The following JAK1 variants were observed in gnomAD, a reference collection of about 807,000 sequenced individuals.
JAK1 encodes the protein tyrosine-protein kinase JAK1.
A neutral mutation model predicts 136.6 loss-of-function variants in JAK1; 16 were observed. The ratio of observed to expected loss-of-function variants is 0.12; its 90% CI spans 0.08 to 0.18. JAK1 has a LOEUF of 0.18. JAK1 is among the 10% of genes least tolerant of loss of function. The pLI, the probability that JAK1 is intolerant of heterozygous loss-of-function variation, is 1.00. For missense variants in JAK1, 859 were observed against 1,450.1 expected (o/e 0.59, Z 6.62); for synonymous variants, 492 against 519.5 (o/e 0.95, Z 0.72).
chr1:64,879,812 T>G (rs1223839228), intron 3 of JAK1, among the ~76,000 whole-genome samples: 1 of 152,138 alleles, frequency 6.6e-6, no homozygotes, highest in Non-Finnish European at 1.5e-5. Flanking sequence ...GGCCCAACAG[T>G]GCTCCCCTGC....
intron 1 of JAK1, among the ~76,000 whole-genome samples, chr1:65,062,743 C>G (rs1647846388): frequency 6.6e-6 from 1 of 152,236 alleles, no homozygotes; most frequent in Non-Finnish European, 1.5e-5. Flanking sequence ...CAACAGGACT[C>G]TTTCTAAAAA....
chr1:64,850,710 C>A, intron 12 of JAK1, 94 bp downstream of exon 12: 1 of 822,976 alleles, frequency 1.2e-6, no homozygotes, highest in Non-Finnish European at 2.1e-6. Flanking sequence ...CTAAGATTTC[C>A]CCAAACACAG....
intron 1 of JAK1, among the ~76,000 whole-genome samples, chr1:64,902,853 A>G (rs556938595): frequency 6.6e-6 from 1 of 152,242 alleles, no homozygotes; most frequent in African/African-American, 2.4e-5. Context: ...AATAGTGACT[A>G]CAATTGCCAG....
At chr1:64,903,959 T>C (rs1645152019) in intron 1 of JAK1, among the ~76,000 whole-genome samples, 1 of 152,214 alleles carries the variant, frequency 6.6e-6, no homozygotes, top group Non-Finnish European at 1.5e-5. Flanking sequence ...TACAAGTTCC[T>C]TGAGAGCAAA....
intron 2 of JAK1, among the ~76,000 whole-genome samples, chr1:64,885,548 T>C (rs1644838572): frequency 6.6e-6 from 1 of 151,886 alleles, no homozygotes; most frequent in Non-Finnish European, 1.5e-5. Context: ...GGTCACGAGA[T>C]TGAGACCAGC....
intron 12 of JAK1, among the ~76,000 whole-genome samples, chr1:64,849,616 G>A (rs1249452704): frequency 1.3e-5 from 2 of 152,240 alleles, no homozygotes; most frequent in South Asian, 2.1e-4. Context: ...TCTTGCTAAC[G>A]TGATTACCCC....
At chr1:64,948,970 A>G (rs1266326697) in intron 1 of JAK1, among the ~76,000 whole-genome samples, 1 of 152,218 alleles carries the variant, frequency 6.6e-6, no homozygotes, top group Non-Finnish European at 1.5e-5. Context: ...CCTAGAAGTA[A>G]GAGAGATCAC....
chr1:64,860,962 GTGT>G (rs1656290202), intron 8 of JAK1, among the ~76,000 whole-genome samples: 1 of 142,748 alleles, frequency 7.0e-6, no homozygotes, highest in Non-Finnish European at 1.5e-5. Context: ...GTGTGTGTGT[GTGT>G]GTATGTGTGT....
upstream of JAK1, among the ~76,000 whole-genome samples, chr1:64,971,211 A>G (rs1646448894): frequency 6.6e-6 from 1 of 152,186 alleles, no homozygotes; most frequent in South Asian, 2.1e-4. Context: ...TTTTCTTCCC[A>G]TTATCTTTTT....
intron 1 of JAK1, among the ~76,000 whole-genome samples, chr1:64,899,577 C>A (rs1396545053): frequency 6.6e-6 from 1 of 152,102 alleles, no homozygotes; most frequent in East Asian, 1.9e-4. Context: ...CTGAAATGCT[C>A]CAAAATATGA....
intron 1 of JAK1, among the ~76,000 whole-genome samples, chr1:64,924,277 T>C (rs576188931): frequency 1.2e-4 from 18 of 152,204 alleles, no homozygotes; most frequent in African/African-American, 4.3e-4. Context: ...ATCAAAACAA[T>C]GCAAAAAGTC....
chr1:64,843,428 C>T (rs184784506), intron 17 of JAK1, among the ~76,000 whole-genome samples: 97 of 152,290 alleles, frequency 6.4e-4, no homozygotes, highest in Non-Finnish European at 1.2e-3. Flanking sequence ...AGGAGGTCCA[C>T]ACCTCGCCTG....
At chr1:64,964,392 A>G (rs1314823740) in intron 1 of JAK1, among the ~76,000 whole-genome samples, 1 of 152,246 alleles carries the variant, frequency 6.6e-6, no homozygotes, top group Non-Finnish European at 1.5e-5. Flanking sequence ...TTCTCTCTAC[A>G]CAAATGAGTA....
At position 64,846,493 on chromosome 1, in the gene JAK1, T is replaced by G. The variant is rs553373627; in HGVS notation, c.1987+156A>C. On this transcript the variant is annotated intron_variant, in intron 14 of 24. Transcript: ENST00000342505. Reference sequence around the variant, plus strand: ...TTTAGTTCCACCTCCACTATTAACTTAAGCAAATGACCTGCTCAGTCCCTC... The same window carrying G: ...TTTAGTTCCACCTCCACTATTAACTGAAGCAAATGACCTGCTCAGTCCCTC... 2.0e-5 allele frequency among the ~76,000 whole-genome samples: 3 copies of G among 152,156 alleles called. No individual in the cohort carries two copies. In the Middle Eastern group the frequency reaches 0.01, roughly 518 times the overall value.
At chr1:64,862,935 G>A (rs949050064) in intron 8 of JAK1, among the ~76,000 whole-genome samples, 8 of 152,146 alleles carry the variant, frequency 5.3e-5, no homozygotes, top group Admixed American at 3.3e-4. Flanking sequence ...GTCCCCTAAG[G>A]TTCTTACAAG....
chr1:64,923,323 T>G (rs189304854), intron 1 of JAK1, among the ~76,000 whole-genome samples: 1 of 152,324 alleles, frequency 6.6e-6, no homozygotes, highest in African/African-American at 2.4e-5. Flanking sequence ...ACTTCCAGTC[T>G]CACTACCCCT....
chr1:64,895,426 C>T (rs1645000257), intron 1 of JAK1, among the ~76,000 whole-genome samples: 1 of 152,152 alleles, frequency 6.6e-6, no homozygotes, highest in African/African-American at 2.4e-5. Context: ...AAGGACCCAA[C>T]AAGGTTACTA....
chr1:64,851,440 G>A (rs1655585291), intron 11 of JAK1, among the ~76,000 whole-genome samples: 1 of 152,230 alleles, frequency 6.6e-6, no homozygotes, highest in African/African-American at 2.4e-5. Context: ...GGGAACCAGA[G>A]GAGGAGGTGA....
Position 64,992,458 on chromosome 1 carries a change from G to A in JAK1, c.-78+52022C>T, listed in dbSNP as rs1383978434. On this transcript the variant is annotated intron_variant, in intron 2 of 25. Transcript: ENST00000671954. ...AAAACAATCTTGAAAAAAAAGTCAG[G>A]GCTGGAGGACTCACACTTCTGATTT... 4.6e-5 allele frequency: 7 copies of A among 151,976 alleles called. No homozygotes were observed. The East Asian group carries it at 1.4e-3, about 29-fold the overall frequency. 9.4% of individuals were successfully genotyped at this position (151,976 alleles called of 1,614,324 possible). A position where few individuals can be genotyped will look rare whatever the true frequency, so the allele number is the denominator to read the frequency against.
Sources: allele counts gnomAD v4.1 joint callset (sites outside exome capture counted in the v4.1 genomes callset), GRCh38; gene constraint gnomAD v4.1.1; transcripts MANE v1.5; gene names NCBI Gene and HGNC (gene_info 2026-07-23, HGNC 2026-07-21).